Variants in NCOA7 observed in about 807,000 individuals in gnomAD.
NCOA7 encodes nuclear receptor coactivator 7, also known as 140 kDa estrogen receptor-associated protein.
NCOA7 carries 45 observed loss-of-function variants against 104.3 expected under a neutral mutation model. The observed-to-expected ratio is 0.43, with a 90% CI of 0.34 to 0.55. The LOEUF (loss-of-function observed/expected upper bound fraction) is 0.55. NCOA7 is among the 20% of genes least tolerant of loss of function. The pLI, the probability that NCOA7 is intolerant of heterozygous loss-of-function variation, is 0.02. For synonymous variants in NCOA7, 398 were observed against 402.3 expected (o/e 0.99, Z 0.13); for missense variants, 1,041 against 1,119.7 (o/e 0.93, Z 1.00).
intron 1 of NCOA7, among the ~76,000 whole-genome samples, chr6:125,785,739 C>T (rs1030727500): frequency 1.3e-5 from 2 of 152,004 alleles, no homozygotes; most frequent in Non-Finnish European, 2.9e-5. Flanking sequence ...AGAAATAAGA[C>T]AACAGGAAAT....
intron 11 of NCOA7, among the ~76,000 whole-genome samples, chr6:125,919,771 T>C (rs1420097038): frequency 6.6e-6 from 1 of 152,258 alleles, no homozygotes; most frequent in Non-Finnish European, 1.5e-5. Flanking sequence ...CAGAAAATGG[T>C]AAAATTAGTA....
intron 1 of NCOA7, among the ~76,000 whole-genome samples, chr6:125,806,328 G>A (rs185955525): frequency 5.3e-5 from 8 of 152,220 alleles, no homozygotes; most frequent in Admixed American, 2.6e-4. Context: ...ATGACAGAGT[G>A]AGACTCCTTC....
At chr6:125,880,278 G>T (rs980362876) in intron 5 of NCOA7, among the ~76,000 whole-genome samples, 3 of 152,016 alleles carry the variant, frequency 2.0e-5, no homozygotes, top group Non-Finnish European at 4.4e-5. Flanking sequence ...CCTGCTTGGA[G>T]TTAGCAAGCT....
chr6:125,850,437 A>G (rs759838142), intron 2 of NCOA7, among the ~76,000 whole-genome samples: 27 of 152,170 alleles, frequency 1.8e-4, no homozygotes, highest in Non-Finnish European at 2.6e-4. Flanking sequence ...GTTTGGCTAT[A>G]TGTGTTGATA....
At chr6:125,864,952 A>G (rs528559681) in intron 3 of NCOA7, among the ~76,000 whole-genome samples, 1 of 138,368 alleles carries the variant, frequency 7.2e-6, no homozygotes, top group South Asian at 2.2e-4. Flanking sequence ...TGTTTTCAAT[A>G]AAGTATTTTG....
chr6:125,812,333 A>G (rs540863978), intron 1 of NCOA7, among the ~76,000 whole-genome samples: 1 of 152,168 alleles, frequency 6.6e-6, no homozygotes, highest in African/African-American at 2.4e-5. Context: ...TGAACTTCAC[A>G]TCTTTTGGAT....
chr6:125,841,249 A>T (rs1393880909), intron 2 of NCOA7, among the ~76,000 whole-genome samples: 1 of 152,000 alleles, frequency 6.6e-6, no homozygotes, highest in African/African-American at 2.4e-5. Context: ...ACAACTGCCT[A>T]CAGGATTCAG....
intron 1 of NCOA7, among the ~76,000 whole-genome samples, chr6:125,785,926 C>T (rs563171942): frequency 6.6e-6 from 1 of 152,160 alleles, no homozygotes; most frequent in Non-Finnish European, 1.5e-5. Context: ...GCCACAAAGA[C>T]GCCACAAAAA....
intron 1 of NCOA7, among the ~76,000 whole-genome samples, chr6:125,810,832 C>T (rs566351556): frequency 4.9e-4 from 75 of 152,124 alleles, no homozygotes; most frequent in Non-Finnish European, 9.0e-4. Context: ...CAAAGATTAG[C>T]ATATTTTTCA....
At chr6:125,924,320 A>G (rs1319257281) in intron 13 of NCOA7, among the ~76,000 whole-genome samples, 1 of 152,180 alleles carries the variant, frequency 6.6e-6, no homozygotes, top group Non-Finnish European at 1.5e-5. Context: ...GCGATTTGTA[A>G]AGGAGGCCTA....
chr6:125,823,328 A>C (rs1778371117), intron 2 of NCOA7, among the ~76,000 whole-genome samples: 1 of 152,230 alleles, frequency 6.6e-6, no homozygotes. Context: ...GTAGGATATA[A>C]ATGGTTTGTG....
intron 4 of NCOA7, among the ~76,000 whole-genome samples, chr6:125,875,653 A>G (rs1204198352): frequency 6.6e-6 from 1 of 152,196 alleles, no homozygotes; most frequent in Non-Finnish European, 1.5e-5. Flanking sequence ...AGTCTAGGCC[A>G]TATCCCTTTT....
chr6:125,822,816 T>C (rs1241597837), intron 2 of NCOA7, among the ~76,000 whole-genome samples: 1 of 151,438 alleles, frequency 6.6e-6, no homozygotes, highest in Non-Finnish European at 1.5e-5. Context: ...AGACCTGTAA[T>C]CCCAGCTACA....
intron 1 of NCOA7, among the ~76,000 whole-genome samples, chr6:125,803,298 AC>A (rs1776081638): frequency 6.6e-6 from 1 of 152,086 alleles, no homozygotes; most frequent in Admixed American, 6.6e-5. Flanking sequence ...ATTTGGCATA[AC>A]TTTTTCATGC....
At chr6:125,912,246 T>C in intron 10 of NCOA7, among the ~76,000 whole-genome samples, 1 of 152,268 alleles carries the variant, frequency 6.6e-6, no homozygotes, top group African/African-American at 2.4e-5. Context: ...CCCATAAAAT[T>C]ATCTTTAGGC....
At chr6:125,819,901 G>A (rs144962261) in intron 2 of NCOA7, among the ~76,000 whole-genome samples, 95 of 152,290 alleles carry the variant, frequency 6.2e-4, no homozygotes, top group African/African-American at 2.2e-3. Flanking sequence ...AGGATCAAGC[G>A]TTGATTGAAG....
intron 1 of NCOA7, among the ~76,000 whole-genome samples, chr6:125,812,568 T>C (rs550871585): frequency 6.6e-6 from 1 of 152,294 alleles, no homozygotes; most frequent in East Asian, 1.9e-4. Context: ...CATCATATTG[T>C]TTTTTCTCCT....
At chr6:125,801,961 T>C (rs1405298807) in intron 1 of NCOA7, among the ~76,000 whole-genome samples, 1 of 152,198 alleles carries the variant, frequency 6.6e-6, no homozygotes, top group African/African-American at 2.4e-5. Flanking sequence ...CGTATAGATA[T>C]ACCAAGACAA....
intron 11 of NCOA7, among the ~76,000 whole-genome samples, chr6:125,917,241 A>T (rs1349222072): frequency 6.7e-6 from 1 of 150,182 alleles, no homozygotes; most frequent in Non-Finnish European, 1.5e-5. Flanking sequence ...CCAAACAGTT[A>T]TGTTTTGGAA....
Sources: gnomAD v4.1 joint callset for allele counts (sites outside exome capture counted in the v4.1 genomes callset) on GRCh38, gnomAD v4.1.1 for gene constraint, MANE v1.5 for transcripts, NCBI Gene and HGNC (gene_info 2026-07-23, HGNC 2026-07-21) for gene names.